Variants in MAPK10 observed in about 807,000 individuals in gnomAD.
The protein encoded by MAPK10 is JNK3 alpha protein kinase.
A neutral mutation model predicts 59.3 loss-of-function variants in MAPK10; 25 were observed. The observed-to-expected ratio is 0.42, with a 90% confidence interval of 0.31 to 0.59. MAPK10 has a LOEUF of 0.59. MAPK10 is among the 20% of genes least tolerant of loss of function. The pLI is 0.15. For missense variants in MAPK10, 351 were observed against 568.9 expected (o/e 0.62, Z 3.90); for synonymous variants, 190 against 200.5 (o/e 0.95, Z 0.44).
intron 2 of MAPK10, among the ~76,000 whole-genome samples, chr4:86,218,464 G>A (rs1014123988): frequency 1.3e-5 from 2 of 150,208 alleles, no homozygotes; most frequent in East Asian, 3.9e-4. Context: ...CCTGGCCTAG[G>A]CTTATTTTTA....
In MAPK10 at chr4:86,285,310, C is replaced by T. The variant is rs370007787; in HGVS notation, c.-7+69220G>A. Among the ~76,000 whole-genome samples the T allele has an allele frequency of 2.0e-3, 306 of 150,388 alleles. 3 individuals carry two copies. In the South Asian group the frequency reaches 0.032, roughly 16 times the overall value. ...TCGGCTCACTGCAACCTCTGCCTCC[C>T]GGGTTCAAGCAATTCTCTGCCTCAG... On this transcript the variant is annotated intron_variant, in intron 2 of 13. Coordinates refer to ENST00000641462, the MANE Select transcript of MAPK10 (RefSeq NM_138982.4).
chr4:86,401,832 A>G (rs1057290566), intron 1 of MAPK10, among the ~76,000 whole-genome samples: 1 of 152,188 alleles, frequency 6.6e-6, no homozygotes, highest in Admixed American at 6.5e-5. Context: ...CCAAAGAGAG[A>G]ACCACTGAAA....
At chr4:86,161,457 A>G (rs973811069) in intron 3 of MAPK10, among the ~76,000 whole-genome samples, 1 of 152,060 alleles carries the variant, frequency 6.6e-6, no homozygotes, top group African/African-American at 2.4e-5. Flanking sequence ...ACCATGGTCC[A>G]TTTCTACTCT....
chr4:86,411,692 G>A (rs376055761), intron 1 of MAPK10, among the ~76,000 whole-genome samples: 1 of 152,272 alleles, frequency 6.6e-6, no homozygotes. Context: ...TTGGTTTAAA[G>A]TCTGTTTTAT....
intron 2 of MAPK10, among the ~76,000 whole-genome samples, chr4:86,230,110 A>G (rs1032419666): frequency 6.6e-6 from 1 of 152,244 alleles, no homozygotes; most frequent in Admixed American, 6.5e-5. Flanking sequence ...TTGAGTTGTC[A>G]GATCTGAAAA....
chr4:86,590,880 A>G lies in MAPK10; in HGVS notation c.-263+3030T>C, dbSNP rs149570241. Reference sequence around the variant, plus strand: ...TACATTCTTTCAACCTTGGTATTTAATTTAAAAGAAGATTGCTTTTTTATT... The same window carrying G: ...TACATTCTTTCAACCTTGGTATTTAGTTTAAAAGAAGATTGCTTTTTTATT... On this transcript the variant is annotated intron_variant, in intron 1 of 4. Transcript: ENST00000502302. Among the ~76,000 whole-genome samples the G allele has an allele frequency of 2.8e-3, 423 of 152,316 alleles. 2 individuals are homozygous for G. The highest frequency in any genetic ancestry group is 9.9e-3 in the African/African-American group (410 of 41,568).
At chr4:86,475,768 C>A (rs1753037072) in intron 1 of MAPK10, among the ~76,000 whole-genome samples, 1 of 151,782 alleles carries the variant, frequency 6.6e-6, no homozygotes, top group Non-Finnish European at 1.5e-5. Flanking sequence ...GGCAAGAACC[C>A]CCCACCCCTT....
intron 2 of MAPK10, among the ~76,000 whole-genome samples, chr4:86,325,670 A>G (rs757726815): frequency 6.6e-6 from 1 of 152,218 alleles, no homozygotes; most frequent in Non-Finnish European, 1.5e-5. Flanking sequence ...TGCAGTTTCA[A>G]TGTAAAGCAG....
intron 3 of MAPK10, chr4:86,191,831 T>C (rs1227030025): frequency 1.3e-5 from 2 of 152,056 alleles, no homozygotes; most frequent in Non-Finnish European, 2.9e-5. Context: ...AGCTGGTTAT[T>C]TTGCCCATTA....
chr4:86,410,387 A>G (rs979382132), intron 1 of MAPK10, among the ~76,000 whole-genome samples: 1 of 152,036 alleles, frequency 6.6e-6, no homozygotes, highest in African/African-American at 2.4e-5. Flanking sequence ...TCTCTGCCAG[A>G]CTTTTGTATC....
At chr4:86,428,537 C>T (rs1747602947) in intron 1 of MAPK10, among the ~76,000 whole-genome samples, 1 of 152,110 alleles carries the variant, frequency 6.6e-6, no homozygotes, top group Non-Finnish European at 1.5e-5. Flanking sequence ...CTAGAATCTT[C>T]TGTTTTGGGA....
chr4:86,465,688 G>T (rs1485547810), intron 1 of MAPK10, among the ~76,000 whole-genome samples: 1 of 152,112 alleles, frequency 6.6e-6, no homozygotes, highest in African/African-American at 2.4e-5. Flanking sequence ...GTTTCTCCAG[G>T]ACCAAATCAA....
intron 1 of MAPK10, among the ~76,000 whole-genome samples, chr4:86,529,440 A>C (rs1025682771): frequency 2.6e-5 from 4 of 152,188 alleles, no homozygotes; most frequent in African/African-American, 9.7e-5. Context: ...GGCCCCACTC[A>C]TGCCTTCTCC....
intron 2 of MAPK10, among the ~76,000 whole-genome samples, chr4:86,194,869 A>G (rs2149317561): frequency 6.6e-6 from 1 of 152,154 alleles, no homozygotes; most frequent in South Asian, 2.1e-4. Context: ...TCAGTAATAG[A>G]TAAATTTTTC....
intron 1 of MAPK10, among the ~76,000 whole-genome samples, chr4:86,468,446 A>C (rs544453103): frequency 2.8e-4 from 43 of 152,206 alleles, no homozygotes; most frequent in Non-Finnish European, 5.3e-4. Context: ...ATGCATTTTG[A>C]ATTATTTTAT....
intron 2 of MAPK10, among the ~76,000 whole-genome samples, chr4:86,221,094 C>T (rs2089433881): frequency 6.6e-6 from 1 of 152,140 alleles, no homozygotes; most frequent in South Asian, 2.1e-4. Context: ...TGGGAAGTGC[C>T]CATCAGTCAG....
chr4:86,505,064 G>GCTT (rs1368012220), intron 1 of MAPK10, among the ~76,000 whole-genome samples: 1 of 152,092 alleles, frequency 6.6e-6, no homozygotes, highest in East Asian at 1.9e-4. Context: ...TCTGCTCACT[G>GCTT]CTTTCTACCA....
At chr4:86,322,076 A>C (rs1316523939) in intron 2 of MAPK10, 1 of 152,186 alleles carries the variant, frequency 6.6e-6, no homozygotes, top group Non-Finnish European at 1.5e-5. Flanking sequence ...GTAATCAAAT[A>C]TTCATAATTC....
At chr4:86,446,310 A>G (rs143812405) in intron 1 of MAPK10, among the ~76,000 whole-genome samples, 1 of 152,328 alleles carries the variant, frequency 6.6e-6, no homozygotes, top group African/African-American at 2.4e-5. Context: ...TAGATGCCAT[A>G]GGTATCAGTT....
Sources: allele counts gnomAD v4.1 joint callset (sites outside exome capture counted in the v4.1 genomes callset), GRCh38; gene constraint gnomAD v4.1.1; transcripts MANE v1.5; gene names NCBI Gene and HGNC (gene_info 2026-07-23, HGNC 2026-07-21).